The following RIN1 variants were observed in gnomAD, a reference collection of about 807,000 sequenced individuals.
The protein encoded by RIN1 is Ras and Rab interactor 1, also known as ras inhibitor 1.
Under a neutral mutation model 64.9 loss-of-function variants are expected in RIN1, and 52 were observed. The ratio of observed to expected loss-of-function variants is 0.80; its 90% CI spans 0.64 to 1.01. RIN1 has a LOEUF of 1.01. Ranked by LOEUF, RIN1 falls within the 50% of genes least tolerant of loss-of-function variation. The pLI, the probability that RIN1 is intolerant of heterozygous loss-of-function variation, is 0.00. For synonymous variants in RIN1, 486 were observed against 483.6 expected, an observed-to-expected ratio of 1.00 and a Z score of -0.06; for missense variants, 1,040 against 1,064.5, an observed-to-expected ratio of 0.98 and a Z score of 0.32.
Position 66,333,366 on chromosome 11 carries a change from C to G in RIN1, c.1767G>C (p.Leu589=), listed in dbSNP as rs762315240. 6.2e-7 allele frequency: 1 copy of G among 1,612,270 alleles called. No individual in the cohort carries two copies. Among genetic ancestry groups the G allele is most frequent in the Non-Finnish European group, 8.5e-7 (1 of 1,179,162 alleles). The change falls in exon 9 of 10, where the codon CTG becomes CTC. Residue 589 remains leucine, a synonymous_variant. Coordinates refer to ENST00000311320, the MANE Select transcript of RIN1 (RefSeq NM_004292.3). ...GGGTGTGGGCCTGACCCAGGCCACT[C>G]AGCAGGGCCAGGCTGGCAGAGAGGC... The part of the protein sequence containing the change: ...LTSLSASLAL[L]SGLGQAHTLP...
At chr11:66,336,229 C>T (rs1472314937) in intron 1 of RIN1, 71 bp from the exon 2 acceptor site, 10 of 1,504,546 alleles carry the variant, frequency 6.6e-6, no homozygotes, top group Non-Finnish European at 8.1e-6. Flanking sequence ...TCCCCACTCC[C>T]GGGTTTCCCA....
upstream of RIN1, chr11:66,336,671 C>T (rs1854913419): frequency 6.5e-6 from 3 of 462,960 alleles, no homozygotes; most frequent in African/African-American, 2.0e-5. Flanking sequence ...ACCAGCTACT[C>T]ACATTGCACA....
chr11:66,333,641 C>G lies in RIN1; in HGVS notation c.1609G>C (p.Asp537His). Residue 537 changes from aspartate (D) to histidine (H), a missense_variant, in exon 8 of 10, where the codon GAC becomes CAC. Transcript: ENST00000311320. ...AGGCTCAGCAGAGGCAGGAACTCGT[C>G]GGCACCCGCGCCCTCCCCTGTGGGG... Reference protein sequence around the residue: ...RTQEGEGAGADEFLPLLSLVL... With the variant: ...RTQEGEGAGAHEFLPLLSLVL... The G allele has an allele frequency of 6.2e-7, 1 of 1,612,490 alleles. No homozygotes were observed. The highest frequency in any genetic ancestry group is 8.5e-7 in the Non-Finnish European group (1 of 1,179,516).
rs1854724883 is a variant in RIN1 at position 66,330,952 on chromosome 11, T to C, written c.*1324A>G. ...GGGATGGCCCCCAAGAGGCTGGCCT[T>C]ACCCAGACCCCAGAATCTAAGGGAC... On this transcript the variant is annotated 3_prime_UTR_variant, in exon 10 of 10. Coordinates refer to ENST00000311320, the MANE Select transcript of RIN1 (RefSeq NM_004292.3). 6.6e-6 allele frequency: 1 copy of C among 152,274 alleles called. No individual in the cohort carries two copies. The highest frequency in any genetic ancestry group is 2.1e-4 in the South Asian group (1 of 4,834). 9.4% of individuals were successfully genotyped at this position (152,274 alleles called of 1,614,324 possible).
In RIN1 at chr11:66,333,301, C is replaced by T. The variant is rs559673454; in HGVS notation, c.1832G>A (p.Ser611Asn). 12 of 1,612,442 alleles carry T rather than the reference C, an allele frequency of 7.4e-6. No individual in the cohort carries two copies. The Admixed American group carries it at 1.0e-4, about 13-fold the overall frequency. Reference protein sequence around the residue: ...SPVQELRRSLSLWEQRRLPAT... With the variant: ...SPVQELRRSLNLWEQRRLPAT... ...AGGCAGGCGGCGCTGCTCCCAGAGG[C>T]TGAGGGAGCGCCGTAGCTCCTGCAC... is the stretch of plus-strand genomic sequence containing the variant. Residue 611 changes from serine (S) to asparagine (N), a missense_variant, in exon 9 of 10, where the codon AGC (serine) becomes AAC (asparagine). Ser to Asn is a conservative substitution (Grantham distance 46). Transcript: ENST00000311320.
In RIN1 at chr11:66,336,377, G is replaced by C; in HGVS notation, c.26C>G (p.Ala9Gly). The C allele has an allele frequency of 6.2e-6, 10 of 1,613,532 alleles. No homozygotes were observed. Among genetic ancestry groups the C allele is most frequent in the Non-Finnish European group, 8.5e-6 (10 of 1,179,812 alleles). The change falls in exon 1 of 10, where the codon GCG (alanine) becomes GGG (glycine). Residue 9 changes from alanine to glycine, a missense_variant. Transcript: ENST00000311320. ...CGGGCTGGGGGCTCCAGGAGAGCCCGCGCCTGACTCTCCAGGGCTTTCCAT... is the reference window on the plus strand; with the variant it reads ...CGGGCTGGGGGCTCCAGGAGAGCCCCCGCCTGACTCTCCAGGGCTTTCCAT... Reference protein sequence around the residue: MESPGESGAGSPGAPSPSS... With the variant: MESPGESGGGSPGAPSPSS...
At chr11:66,333,130 C>T in intron 9 of RIN1, 128 bp downstream of exon 9, 5 of 1,200,126 alleles carry the variant, frequency 4.2e-6, no homozygotes, top group Non-Finnish European at 4.8e-6. Flanking sequence ...CAAGTCCCCA[C>T]AACCCAGTGG....
rs547608133 is a variant in RIN1, at chr11:66,336,079, C to G, written c.166G>C (p.Val56Leu). Reference protein sequence around the residue: ...AGGPQRPGRVVSLRERLLLTR... With the variant: ...AGGPQRPGRVLSLRERLLLTR... ...AGCAGCAGGCGCTCCCGCAGGCTCA[C>G]AACGCGCCCCGGCCGCTGCGGCCCG... The change falls in exon 2 of 10, where the codon GTG becomes CTG. Residue 56 changes from valine to leucine, a missense_variant. Transcript: ENST00000311320. The G allele has an allele frequency of 2.7e-6, 4 of 1,460,658 alleles. No individual in the cohort carries two copies. The South Asian group carries it at 4.1e-5, about 15-fold the overall frequency. The allele number at this position is 1,460,658 out of a possible 1,614,324, so 90.5% of individuals were successfully genotyped here.
At chr11:66,334,412 G>T in intron 6 of RIN1, 102 bp downstream of exon 6, 2 of 1,464,140 alleles carry the variant, frequency 1.4e-6, no homozygotes, top group Non-Finnish European at 1.9e-6. Flanking sequence ...AGACAAGATG[G>T]ATTTGTAAAG....
rs141038581 is a variant in RIN1 at position 66,334,023 on chromosome 11, C to A, written c.1487G>T (p.Arg496Leu). 148 of 1,572,106 alleles carry A rather than the reference C, an allele frequency of 9.4e-5. No individual in the cohort carries two copies. Among genetic ancestry groups the A allele is most frequent in the Middle Eastern group, 1.8e-4 (1 of 5,482 alleles). Residue 496 changes from arginine (R) to leucine (L), a missense_variant, in exon 7 of 10, where the codon CGC (arginine) becomes CTC (leucine). By Grantham distance (102) the Arg-to-Leu change is moderately radical. Transcript: ENST00000311320. ...GCGGAGCAGCTGCAGCAGCTTCTGGCGCACTTGCTCCAACTCTACTGGGGA... is the reference window on the plus strand; with the variant it reads ...GCGGAGCAGCTGCAGCAGCTTCTGGAGCACTTGCTCCAACTCTACTGGGGA... Reference protein sequence around the residue: ...LPSPVELEQVRQKLLQLLRTY... With the variant: ...LPSPVELEQVLQKLLQLLRTY...
intron 6 of RIN1, 46 bp from the exon 7 acceptor site, chr11:66,334,270 G>C (rs1482612755): frequency 1.5e-6 from 2 of 1,363,454 alleles, no homozygotes; most frequent in Admixed American, 2.8e-5. Flanking sequence ...GGGGGTATGG[G>C]GGGCAGAGGC....
In RIN1 at chr11:66,332,510, C is replaced by A. The variant is rs1248111230; in HGVS notation, c.2118G>T (p.Trp706Cys). Residue 706 changes from tryptophan to cysteine, a missense_variant, in exon 10 of 10, where the codon TGG becomes TGT. Transcript: ENST00000311320. ...TGYLVYRRAE[W>C]PETQGAVTEE... ...CTGTCACAGCCCCCTGGGTCTCAGG[C>A]CACTCCGCCCGGCGGTAGACGAGGT... 1 of 1,614,026 alleles carries A rather than the reference C, an allele frequency of 6.2e-7. No individual in the cohort carries two copies. The highest frequency in any genetic ancestry group is 8.5e-7 in the Non-Finnish European group (1 of 1,179,920).
At position 66,334,061 on chromosome 11, in the gene RIN1, G is replaced by A. The variant is rs769061107; in HGVS notation, c.1449C>T (p.His483=). Residue 483 remains histidine (H), a synonymous_variant, in exon 7 of 10, where the codon CAC becomes CAT. Transcript: ENST00000311320. ...RAQGPGAFGS[H]LSLPSPVELE... is the part of the protein sequence containing the mutation. ...ACTCTACTGGGGAGGGCAGGCTCAG[G>A]TGGGACCCGAAGGCTCCGGGGCCCT... 3.1e-5 allele frequency: 48 copies of A among 1,573,258 alleles called. No individual in the cohort carries two copies. The highest frequency in any genetic ancestry group is 4.1e-5 in the Non-Finnish European group (48 of 1,160,366).
chr11:66,332,769 GC>G lies in RIN1; in HGVS notation c.1876-18del. ...GAGGAGGTGCTATGCAGGAGGAGAA[GC>G]AAAAACAAGTACTCAGCCCCGGCTG... On this transcript the variant is annotated intron_variant, in intron 9 of 9. Transcript: ENST00000311320. 1 of 1,488,450 alleles carries G rather than the reference GC, an allele frequency of 6.7e-7. No individual in the cohort carries two copies. Among genetic ancestry groups the G allele is most frequent in the Non-Finnish European group, 9.0e-7 (1 of 1,115,210 alleles). The allele number at this position is 1,488,450 out of a possible 1,614,324, so 92.2% of individuals were successfully genotyped here. A position where few individuals can be genotyped will look rare whatever the true frequency, so the allele number is the denominator to read the frequency against.
chr11:66,333,328 G>A lies in RIN1; in HGVS notation c.1805C>T (p.Pro602Leu), dbSNP rs1359063435. 21 of 1,613,256 alleles carry A rather than the reference G, an allele frequency of 1.3e-5. No individual in the cohort carries two copies. Among genetic ancestry groups the A allele is most frequent in the Non-Finnish European group, 1.8e-5 (21 of 1,179,998 alleles). Reference sequence around the variant, plus strand: ...GAGGGAGCGCCGTAGCTCCTGCACGGGGCTCAGTGGGAGGGTGTGGGCCTG... The same window carrying A: ...GAGGGAGCGCCGTAGCTCCTGCACGAGGCTCAGTGGGAGGGTGTGGGCCTG... ...LGQAHTLPLS[P>L]VQELRRSLSL... Residue 602 changes from proline (P) to leucine (L), a missense_variant, in exon 9 of 10, where the codon CCC becomes CTC. Coordinates refer to ENST00000311320, the MANE Select transcript of RIN1 (RefSeq NM_004292.3).
At position 66,335,121 on chromosome 11, in the gene RIN1, G is replaced by A. The variant is rs1854849473; in HGVS notation, c.678C>T (p.Asn226=). 1 of 1,539,004 alleles carries A rather than the reference G, an allele frequency of 6.5e-7. No individual in the cohort carries two copies. Among genetic ancestry groups the A allele is most frequent in the Non-Finnish European group, 8.7e-7 (1 of 1,146,198 alleles). The change falls in exon 6 of 10, where the codon AAC becomes AAT. Residue 226 remains asparagine, a synonymous_variant. Transcript: ENST00000311320. ...QGTGAALCFF[N]PLFPGDLGPT... is the part of the protein sequence containing the mutation. ...GCCCTAGGTCCCCCGGGAACAGGGG[G>A]TTGAAGAAGCACAAGGCGGCTCCGG... is the stretch of plus-strand genomic sequence containing the variant.
chr11:66,334,463 G>A (rs1270954481), intron 6 of RIN1, 51 bp downstream of exon 6: 1 of 1,578,822 alleles, frequency 6.3e-7, no homozygotes, highest in Non-Finnish European at 8.6e-7. Context: ...GTGGAGGGGA[G>A]CAGAGGGTCG....
chr11:66,333,681 A>G (rs1387101282), intron 7 of RIN1, 23 bp from the exon 8 acceptor site: 5 of 1,602,220 alleles, frequency 3.1e-6, no homozygotes, highest in Non-Finnish European at 4.3e-6. Flanking sequence ...GGTGAGAGGA[A>G]GAAGCTTCAG....
Position 66,335,174 on chromosome 11 carries a change from G to T in RIN1, c.625C>A (p.Arg209=). ...CCCTGGTCCAGCTCTTGAGGGGACC[G>T]GGCCTTCAGCTGGGGCAACACTGGG... ...GGPVLPQLKA[R]SPQELDQGTG... The change falls in exon 6 of 10, where the codon CGG becomes AGG. Residue 209 remains arginine (R), a synonymous_variant. Coordinates refer to ENST00000311320, the MANE Select transcript of RIN1 (RefSeq NM_004292.3). The T allele has an allele frequency of 6.4e-7, 1 of 1,554,680 alleles. No homozygotes were observed. Among genetic ancestry groups the T allele is most frequent in the Non-Finnish European group, 8.6e-7 (1 of 1,159,276 alleles).
Sources: allele counts gnomAD v4.1 joint callset, GRCh38; gene constraint gnomAD v4.1.1; transcripts MANE v1.5; gene names NCBI Gene and HGNC (gene_info 2026-07-23, HGNC 2026-07-21).